Variants in RBFOX2 observed in about 807,000 individuals in gnomAD.
RBFOX2 encodes RNA binding fox-1 homolog 2.
A neutral mutation model predicts 49.1 loss-of-function variants in RBFOX2; 10 were observed. The ratio of observed to expected loss-of-function variants is 0.20; its 90% CI spans 0.13 to 0.35. The LOEUF (loss-of-function observed/expected upper bound fraction) is 0.35, where lower values mean the gene tolerates loss of function less well. RBFOX2 is among the 10% of genes least tolerant of loss of function. The pLI is 1.00. For missense variants in RBFOX2, 323 were observed against 486.9 expected, an observed-to-expected ratio of 0.66 and a Z score of 3.17; for synonymous variants, 183 against 187.4, an observed-to-expected ratio of 0.98 and a Z score of 0.19.
intron 1 of RBFOX2, among the ~76,000 whole-genome samples, chr22:35,868,382 G>A (rs541070950): frequency 3.3e-5 from 5 of 152,298 alleles, no homozygotes; most frequent in African/African-American, 1.2e-4. Flanking sequence ...ACACCATAGT[G>A]CTTGTTACTT....
chr22:35,750,377 A>G (rs1934446591), intron 9 of RBFOX2: 1 of 1,448,690 alleles, frequency 6.9e-7, no homozygotes, highest in African/African-American at 1.4e-5. Flanking sequence ...TGAAGCAACC[A>G]TTAATAATAA....
intron 2 of RBFOX2, among the ~76,000 whole-genome samples, chr22:35,801,634 G>A (rs1170133230): frequency 6.6e-6 from 1 of 152,020 alleles, no homozygotes; most frequent in Non-Finnish European, 1.5e-5. Flanking sequence ...AGACCAACCT[G>A]GCCAACATGG....
intron 1 of RBFOX2, among the ~76,000 whole-genome samples, chr22:35,839,875 T>A (rs1474383084): frequency 3.3e-5 from 5 of 152,186 alleles, no homozygotes; most frequent in Non-Finnish European, 7.3e-5. Flanking sequence ...TCTGCAGTCT[T>A]TCTCTCCCTC....
chr22:35,864,460 A>G (rs2043447887), intron 1 of RBFOX2, among the ~76,000 whole-genome samples: 1 of 152,242 alleles, frequency 6.6e-6, no homozygotes, highest in Admixed American at 6.5e-5. Flanking sequence ...TAGAGGGAAC[A>G]TAATCATGTG....
At chr22:35,869,763 T>C (rs1007834043) in intron 1 of RBFOX2, among the ~76,000 whole-genome samples, 3 of 152,222 alleles carry the variant, frequency 2.0e-5, no homozygotes, top group Admixed American at 6.5e-5. Context: ...GAAGCTCTAA[T>C]GACATACTTC....
chr22:36,002,926 C>T (rs565622372), intron 1 of RBFOX2, among the ~76,000 whole-genome samples: 4 of 152,346 alleles, frequency 2.6e-5, no homozygotes, highest in East Asian at 3.9e-4. Flanking sequence ...ACGCCCAGCC[C>T]GGACTCTTCC....
chr22:35,926,421 C>G (rs1243034850), intron 1 of RBFOX2, among the ~76,000 whole-genome samples: 1 of 152,174 alleles, frequency 6.6e-6, no homozygotes, highest in Non-Finnish European at 1.5e-5. Context: ...TTGATGGTCA[C>G]ATTAAACCTC....
At chr22:35,970,130 G>A (rs761295282) in intron 1 of RBFOX2, among the ~76,000 whole-genome samples, 34 of 152,180 alleles carry the variant, frequency 2.2e-4, no homozygotes, top group Admixed American at 2.0e-3. Context: ...ATAATTCTCC[G>A]TCGGTTGCAA....
chr22:35,846,553 C>G (rs932966919), intron 1 of RBFOX2, among the ~76,000 whole-genome samples: 1 of 151,698 alleles, frequency 6.6e-6, no homozygotes, highest in African/African-American at 2.4e-5. Flanking sequence ...TCAAGACCAG[C>G]CTGACCAACA....
At chr22:35,920,600 A>T (rs528533613) in intron 1 of RBFOX2, among the ~76,000 whole-genome samples, 53 of 152,326 alleles carry the variant, frequency 3.5e-4, no homozygotes, top group African/African-American at 1.2e-3. Flanking sequence ...CACTCTGGAC[A>T]AATTGTTTAC....
At chr22:35,895,976 C>A (rs1040878516) in intron 1 of RBFOX2, among the ~76,000 whole-genome samples, 1 of 152,212 alleles carries the variant, frequency 6.6e-6, no homozygotes, top group African/African-American at 2.4e-5. Context: ...TATCAAATCA[C>A]CTGTCCTAAT....
At chr22:35,881,582 CAA>C (rs1334437471) in intron 1 of RBFOX2, among the ~76,000 whole-genome samples, 33 of 111,082 alleles carry the variant, frequency 3.0e-4, no homozygotes, top group Admixed American at 2.7e-4. Context: ...ACTCTGTCTC[CAA>C]AAAAAAAAAA....
chr22:36,001,182 CAT>C (rs1176995031), intron 1 of RBFOX2, among the ~76,000 whole-genome samples: 7 of 64,662 alleles, frequency 1.1e-4, no homozygotes, highest in South Asian at 1.1e-3. Context: ...GGCCCCAAAA[CAT>C]ACACACACAC....
chr22:35,830,972 C>A (rs1200456793), intron 1 of RBFOX2, among the ~76,000 whole-genome samples: 1 of 152,092 alleles, frequency 6.6e-6, no homozygotes, highest in Admixed American at 6.5e-5. Context: ...GCTAGAACCA[C>A]TCAAAACTGT....
intron 1 of RBFOX2, among the ~76,000 whole-genome samples, chr22:35,932,504 T>TG (rs2052546764): frequency 6.6e-6 from 1 of 152,244 alleles, no homozygotes; most frequent in Non-Finnish European, 1.5e-5. Flanking sequence ...TGCTAATCAA[T>TG]GGGACATTGT....
At chr22:35,905,319 T>C (rs1290171776) in intron 1 of RBFOX2, among the ~76,000 whole-genome samples, 1 of 152,116 alleles carries the variant, frequency 6.6e-6, no homozygotes, top group Non-Finnish European at 1.5e-5. Context: ...ATAGATGATA[T>C]ATGTCAAAAT....
chr22:35,956,413 G>A (rs2055562674), intron 1 of RBFOX2, among the ~76,000 whole-genome samples: 1 of 151,716 alleles, frequency 6.6e-6, no homozygotes, highest in Non-Finnish European at 1.5e-5. Flanking sequence ...CCAGCCTGGA[G>A]TGCAATGGTA....
At chr22:35,894,411 T>C (rs1425593044) in intron 1 of RBFOX2, among the ~76,000 whole-genome samples, 8 of 152,272 alleles carry the variant, frequency 5.3e-5, no homozygotes, top group Admixed American at 2.0e-4. Context: ...ATGCCGCCTA[T>C]TGGCTCTCAA....
intron 1 of RBFOX2, among the ~76,000 whole-genome samples, chr22:35,825,784 C>T (rs968023878): frequency 1.3e-5 from 2 of 151,076 alleles, no homozygotes; most frequent in Non-Finnish European, 2.9e-5. Context: ...AGTTCGAGAC[C>T]AGCCTAACCA....
Sources: gnomAD v4.1 joint callset for allele counts (sites outside exome capture counted in the v4.1 genomes callset) on GRCh38, gnomAD v4.1.1 for gene constraint, MANE v1.5 for transcripts, NCBI Gene and HGNC (gene_info 2026-07-23, HGNC 2026-07-21) for gene names.